Variants in NEGR1 observed in about 807,000 individuals in gnomAD.
NEGR1 encodes the protein IgLON family member 4.
In NEGR1, 10 loss-of-function variants were observed where a neutral mutation model predicts 40.9. That is an observed-to-expected ratio of 0.24 (90% CI 0.15 to 0.42). The LOEUF (loss-of-function observed/expected upper bound fraction) is 0.42, where lower values mean the gene tolerates loss of function less well. NEGR1 is among the 10% of genes least tolerant of loss of function. NEGR1 has a pLI of 1.00. For missense variants in NEGR1, 352 were observed against 438.9 expected (o/e 0.80, Z 1.77); for synonymous variants, 185 against 166.8 (o/e 1.11, Z -0.84).
intron 6 of NEGR1, among the ~76,000 whole-genome samples, chr1:71,428,937 A>G (rs1646447280): frequency 6.6e-6 from 1 of 152,026 alleles, no homozygotes; most frequent in Admixed American, 6.6e-5. Context: ...CTCCCTTTGG[A>G]TTTTCTCTAA....
chr1:72,140,258 T>C (rs1221128915), intron 1 of NEGR1, among the ~76,000 whole-genome samples: 1 of 149,940 alleles, frequency 6.7e-6, no homozygotes, highest in Non-Finnish European at 1.5e-5. Context: ...GTTGTTACAG[T>C]TGTTTTTTAA....
At chr1:71,659,673 A>AC (rs1414263287) in intron 4 of NEGR1, among the ~76,000 whole-genome samples, 1 of 152,220 alleles carries the variant, frequency 6.6e-6, no homozygotes, top group East Asian at 1.9e-4. Context: ...AAGGATATGA[A>AC]CAGATACTTC....
At chr1:71,785,167 T>C (rs1324221517) in intron 2 of NEGR1, among the ~76,000 whole-genome samples, 1 of 152,174 alleles carries the variant, frequency 6.6e-6, no homozygotes, top group African/African-American at 2.4e-5. Context: ...AGGACCTTAA[T>C]AGCAGCTACT....
chr1:72,181,355 TG>T (rs1303123321), intron 1 of NEGR1, among the ~76,000 whole-genome samples: 4 of 152,124 alleles, frequency 2.6e-5, no homozygotes, highest in Admixed American at 6.6e-5. Flanking sequence ...CTACATCATC[TG>T]GAAGTCATCT....
At chr1:71,798,461 G>T (rs1657422091) in intron 2 of NEGR1, among the ~76,000 whole-genome samples, 1 of 152,080 alleles carries the variant, frequency 6.6e-6, no homozygotes, top group African/African-American at 2.4e-5. Flanking sequence ...TGTAATAAAA[G>T]AACAGGATAA....
At chr1:71,986,712 T>C (rs1460855876) in intron 1 of NEGR1, among the ~76,000 whole-genome samples, 2 of 152,212 alleles carry the variant, frequency 1.3e-5, no homozygotes, top group African/African-American at 2.4e-5. Context: ...AGGTAGACCT[T>C]TCCCTGATAT....
chr1:72,269,229 T>C (rs537746894), intron 1 of NEGR1, among the ~76,000 whole-genome samples: 3 of 151,662 alleles, frequency 2.0e-5, no homozygotes, highest in South Asian at 4.1e-4. Context: ...GAAATTGGAG[T>C]ACAAGGAACT....
chr1:72,065,110 A>G (rs1225321029), intron 1 of NEGR1, among the ~76,000 whole-genome samples: 1 of 152,134 alleles, frequency 6.6e-6, no homozygotes, highest in African/African-American at 2.4e-5. Flanking sequence ...TCATACACAT[A>G]CATAGTAAAA....
intron 3 of NEGR1, among the ~76,000 whole-genome samples, chr1:71,708,840 T>C (rs996623651): frequency 6.6e-6 from 1 of 152,172 alleles, no homozygotes; most frequent in Admixed American, 6.5e-5. Context: ...GAACATGCAG[T>C]GTTTGGTTTT....
At chr1:72,209,339 T>A (rs1438215783) in intron 1 of NEGR1, among the ~76,000 whole-genome samples, 1 of 151,704 alleles carries the variant, frequency 6.6e-6, no homozygotes, top group African/African-American at 2.4e-5. Context: ...CTTTGTCATA[T>A]CTCCTTGATT....
rs538395576 is a variant in NEGR1 at position 71,508,360 on chromosome 1, C to T, written c.940+84457G>A. Among the ~76,000 whole-genome samples the T allele has an allele frequency of 1.1e-3, 160 of 152,228 alleles. 1 individual carries two copies. The highest frequency in any genetic ancestry group is 3.6e-3 in the African/African-American group (149 of 41,542). ...GGGAAAAAGACTGGTGGAAAGTGCA[C>T]GGGTCACCTGAGGAACCCCTAAAGT... On this transcript the variant is annotated intron_variant, in intron 6 of 6. Coordinates refer to ENST00000357731, the MANE Select transcript of NEGR1 (RefSeq NM_173808.3).
rs371934428 is a variant in NEGR1 at position 71,732,808 on chromosome 1, G to T, written c.536-34669C>A. On this transcript the variant is annotated intron_variant, in intron 3 of 6. Transcript: ENST00000357731. ...CAGAGAATGTGGCATTTCACAAAAT[G>T]GGTTTTTGAGAATGGGAAGGATACT... Among the ~76,000 whole-genome samples the T allele has an allele frequency of 3.3e-5, 5 of 152,060 alleles. No individual in the cohort carries two copies. The East Asian group carries it at 5.8e-4, about 18-fold the overall frequency.
At chr1:72,058,705 A>C (rs1647135887) in intron 1 of NEGR1, among the ~76,000 whole-genome samples, 1 of 151,706 alleles carries the variant, frequency 6.6e-6, no homozygotes, top group Admixed American at 6.6e-5. Context: ...TTTACACTGT[A>C]CTGCCATTGC....
At chr1:72,158,499 C>T (rs545377652) in intron 1 of NEGR1, among the ~76,000 whole-genome samples, 1 of 152,212 alleles carries the variant, frequency 6.6e-6, no homozygotes, top group South Asian at 2.1e-4. Flanking sequence ...GCCCAACCAA[C>T]TCCACTCAAC....
chr1:71,933,616 G>C (rs780153495), intron 2 of NEGR1, among the ~76,000 whole-genome samples: 12 of 151,888 alleles, frequency 7.9e-5, no homozygotes, highest in Non-Finnish European at 1.0e-4. Context: ...ATCTCATGTC[G>C]GTTTCTGAAG....
intron 4 of NEGR1, among the ~76,000 whole-genome samples, chr1:71,675,112 C>CACATATATATATATATATATATATATAT (rs1652574672): frequency 8.9e-5 from 4 of 45,172 alleles, no homozygotes; most frequent in Non-Finnish European, 2.2e-4. Flanking sequence ...CATGTTTATT[C>CACATATATATATATATATATATATATAT]ATATATATAT....
rs536377343 is a variant in NEGR1 at position 71,546,457 on chromosome 1, A to T, written c.940+46360T>A. ...AAAATAAATATAGGATAACATAAAA[A>T]CTTAAAATTTTACCAAAAAATAAAG... On this transcript the variant is annotated intron_variant, in intron 6 of 6. Coordinates refer to ENST00000357731, the MANE Select transcript of NEGR1 (RefSeq NM_173808.3). 6.6e-5 allele frequency among the ~76,000 whole-genome samples: 10 copies of T among 151,852 alleles called. 1 individual carries two copies. Among genetic ancestry groups the T allele is most frequent in the African/African-American group, 2.4e-4 (10 of 41,500 alleles).
intron 4 of NEGR1, among the ~76,000 whole-genome samples, chr1:71,661,773 T>A (rs1652062778): frequency 6.6e-6 from 1 of 152,178 alleles, no homozygotes; most frequent in African/African-American, 2.4e-5. Flanking sequence ...TTAAAAATAT[T>A]TCTCCCATTA....
chr1:71,878,742 G>A (rs1660501700), intron 2 of NEGR1, among the ~76,000 whole-genome samples: 1 of 152,058 alleles, frequency 6.6e-6, no homozygotes, highest in African/African-American at 2.4e-5. Context: ...TATTTGTTAT[G>A]CACCTATGTG....
Sources: allele counts gnomAD v4.1 joint callset (sites outside exome capture counted in the v4.1 genomes callset), GRCh38; gene constraint gnomAD v4.1.1; transcripts MANE v1.5; gene names NCBI Gene and HGNC (gene_info 2026-07-23, HGNC 2026-07-21).